Variants in NELL1 observed in about 807,000 individuals in gnomAD.
NELL1 encodes neural EGFL like 1.
Under a neutral mutation model 107.4 loss-of-function variants are expected in NELL1, and 76 were observed. The observed-to-expected ratio is 0.71, with a 90% CI of 0.59 to 0.86. NELL1 has a LOEUF of 0.86. NELL1 is among the 40% of genes least tolerant of loss of function. NELL1 has a pLI of 0.00. For missense variants in NELL1, 1,024 were observed against 1,005.5 expected (o/e 1.02, Z -0.25); for synonymous variants, 353 against 341.2 (o/e 1.03, Z -0.38).
At chr11:21,017,837 T>C (rs777852250) in intron 12 of NELL1, among the ~76,000 whole-genome samples, 3 of 152,110 alleles carry the variant, frequency 2.0e-5, no homozygotes, top group Non-Finnish European at 4.4e-5. Context: ...CTATCATCCT[T>C]ATCTATGAGG....
intron 15 of NELL1, among the ~76,000 whole-genome samples, chr11:21,450,039 A>G (rs1302343309): frequency 1.3e-5 from 2 of 152,204 alleles, no homozygotes; most frequent in Non-Finnish European, 2.9e-5. Context: ...ATCAAAACAA[A>G]TTCCTAGCTT....
At chr11:21,452,894 A>G (rs1853622996) in intron 15 of NELL1, among the ~76,000 whole-genome samples, 1 of 151,922 alleles carries the variant, frequency 6.6e-6, no homozygotes, top group Admixed American at 6.6e-5. Context: ...AAATTTTATA[A>G]TTTTACTTGT....
chr11:21,099,888 C>G (rs556079411), intron 12 of NELL1, among the ~76,000 whole-genome samples: 12 of 152,080 alleles, frequency 7.9e-5, no homozygotes, highest in Non-Finnish European at 1.5e-4. Flanking sequence ...TTTTCAACAA[C>G]TTTACTGAGA....
At chr11:21,417,493 G>C (rs1852547542) in intron 15 of NELL1, among the ~76,000 whole-genome samples, 1 of 151,508 alleles carries the variant, frequency 6.6e-6, no homozygotes, top group South Asian at 2.1e-4. Context: ...AAGAAGGATA[G>C]CTTGTTTGTC....
At chr11:21,550,203 T>C (rs1001497453) in intron 16 of NELL1, among the ~76,000 whole-genome samples, 2 of 151,892 alleles carry the variant, frequency 1.3e-5, no homozygotes, top group African/African-American at 4.8e-5. Flanking sequence ...TTAGAAAAAA[T>C]GTTAGTGTTT....
intron 13 of NELL1, among the ~76,000 whole-genome samples, chr11:21,131,720 G>A (rs980379812): frequency 6.6e-6 from 1 of 152,012 alleles, no homozygotes; most frequent in Admixed American, 6.6e-5. Context: ...TTATTGTAAG[G>A]GTCCCTTTTA....
intron 2 of NELL1, among the ~76,000 whole-genome samples, chr11:20,768,767 G>C (rs1856583963): frequency 6.6e-6 from 1 of 152,252 alleles, no homozygotes. Flanking sequence ...CGACCCAAGG[G>C]AAGCTGAAAA....
chr11:21,377,034 AT>A (rs1386468279), intron 15 of NELL1, among the ~76,000 whole-genome samples: 2 of 151,960 alleles, frequency 1.3e-5, no homozygotes, highest in African/African-American at 4.8e-5. Context: ...GTTGCCTTTT[AT>A]TTCTTCCTCT....
At chr11:21,255,370 A>G (rs1858742959) in intron 14 of NELL1, among the ~76,000 whole-genome samples, 1 of 152,106 alleles carries the variant, frequency 6.6e-6, no homozygotes, top group South Asian at 2.1e-4. Flanking sequence ...CCCCCAGGAT[A>G]TATTGTAAGG....
intron 4 of NELL1, among the ~76,000 whole-genome samples, chr11:20,860,797 C>T (rs1381342507): frequency 2.6e-5 from 4 of 152,116 alleles, no homozygotes; most frequent in Non-Finnish European, 4.4e-5. Context: ...CCTGTGTCAG[C>T]GGGAGCTCTG....
chr11:21,050,215 G>A (rs1214375107), intron 12 of NELL1, among the ~76,000 whole-genome samples: 1 of 152,190 alleles, frequency 6.6e-6, no homozygotes, highest in South Asian at 2.1e-4. Context: ...ATTTAGCATT[G>A]TGATATTAGA....
chr11:20,985,650 G>A (rs11025856), intron 12 of NELL1, among the ~76,000 whole-genome samples: 5,772 of 152,276 alleles, frequency 0.038, 177 homozygotes, highest in Middle Eastern at 0.2. Context: ...ATTTTGGGAA[G>A]TGGGGGGAAG....
chr11:20,729,582 G>C (rs1044020074), intron 2 of NELL1, among the ~76,000 whole-genome samples: 1 of 152,130 alleles, frequency 6.6e-6, no homozygotes, highest in Non-Finnish European at 1.5e-5. Context: ...TAAAAATTCT[G>C]TTTGTGTGGT....
chr11:21,268,693 A>C (rs923110994), intron 14 of NELL1, among the ~76,000 whole-genome samples: 83 of 152,294 alleles, frequency 5.4e-4, no homozygotes, highest in African/African-American at 1.9e-3. Flanking sequence ...CCACATTACA[A>C]AAGGTCTGTT....
intron 5 of NELL1, among the ~76,000 whole-genome samples, chr11:20,887,770 C>G (rs112703440): frequency 1.3e-5 from 2 of 152,046 alleles, no homozygotes; most frequent in Non-Finnish European, 2.9e-5. Flanking sequence ...GGATTAGGTA[C>G]CTTGGGAGTC....
chr11:21,012,154 A>C (rs1000225505), intron 12 of NELL1, among the ~76,000 whole-genome samples: 2 of 152,116 alleles, frequency 1.3e-5, no homozygotes, highest in African/African-American at 4.8e-5. Flanking sequence ...TCTACTTTTC[A>C]GTTGCTGCCG....
intron 14 of NELL1, among the ~76,000 whole-genome samples, chr11:21,238,271 T>G (rs552097535): frequency 6.6e-6 from 1 of 152,212 alleles, no homozygotes; most frequent in East Asian, 1.9e-4. Context: ...CAACTATTTC[T>G]TTTCATTTCC....
At chr11:21,284,704 T>C in intron 14 of NELL1, 1 of 353,860 alleles carries the variant, frequency 2.8e-6, no homozygotes, top group African/African-American at 2.1e-5. Flanking sequence ...TATGCAGTGT[T>C]TGAGACAGCT....
chr11:20,848,738 CT>C (rs1414577887), intron 4 of NELL1, among the ~76,000 whole-genome samples: 1 of 152,168 alleles, frequency 6.6e-6, no homozygotes, highest in African/African-American at 2.4e-5. Context: ...GGTCAGTCAG[CT>C]TCAGACCGCA....
Sources: gnomAD v4.1 joint callset for allele counts (sites outside exome capture counted in the v4.1 genomes callset) on GRCh38, gnomAD v4.1.1 for gene constraint, MANE v1.5 for transcripts, NCBI Gene and HGNC (gene_info 2026-07-23, HGNC 2026-07-21) for gene names.